The following CDIN1 variants were observed in gnomAD, a reference collection of about 807,000 sequenced individuals.
The protein encoded by CDIN1 is CDAN1-interacting nuclease 1.
A neutral mutation model predicts 45.3 loss-of-function variants in CDIN1; 33 were observed. The ratio of observed to expected loss-of-function variants is 0.73; its 90% CI spans 0.55 to 0.97. CDIN1 has a LOEUF of 0.97. Among genes scored for constraint, CDIN1 ranks in the 50% least tolerant of loss-of-function variants. The probability of loss-of-function intolerance (pLI) is 0.00; values close to 1 mark genes in which losing one functional copy is unlikely to be tolerated. For synonymous variants in CDIN1, 118 were observed against 124.4 expected (o/e 0.95, Z 0.34); for missense variants, 303 against 339.4 (o/e 0.89, Z 0.84).
At chr15:36,749,323 T>G (rs900182373) in intron 10 of CDIN1, among the ~76,000 whole-genome samples, 3 of 152,228 alleles carry the variant, frequency 2.0e-5, no homozygotes, top group African/African-American at 7.2e-5. Context: ...ACAAACCAGA[T>G]GACCTAAAGC....
intron 1 of CDIN1, among the ~76,000 whole-genome samples, chr15:36,588,417 T>G (rs6495850): frequency 0.87 from 131,803 of 152,156 alleles, 57,185 homozygotes; most frequent in Middle Eastern, 0.96. Flanking sequence ...TTCTGATAAT[T>G]TTGTGGTGGA....
intron 10 of CDIN1, among the ~76,000 whole-genome samples, chr15:36,716,080 T>G (rs16963919): frequency 0.16 from 23,670 of 152,090 alleles, 2,313 homozygotes; most frequent in Admixed American, 0.28. Flanking sequence ...TAGAATGACT[T>G]AAATCAAAGA....
chr15:36,594,831 A>T, intron 1 of CDIN1: 2 of 874,910 alleles, frequency 2.3e-6, no homozygotes, highest in Non-Finnish European at 1.4e-6. Flanking sequence ...TTTTTTTTTT[A>T]GCATTTCAAG....
chr15:36,721,566 A>G (rs1404110067), intron 10 of CDIN1, among the ~76,000 whole-genome samples: 2 of 152,152 alleles, frequency 1.3e-5, no homozygotes, highest in African/African-American at 2.4e-5. Flanking sequence ...ATTGAGATTT[A>G]TGTTATGGCT....
chr15:36,701,285 C>A (rs1490754593), intron 8 of CDIN1, among the ~76,000 whole-genome samples: 1 of 152,016 alleles, frequency 6.6e-6, no homozygotes, highest in Non-Finnish European at 1.5e-5. Flanking sequence ...TGTGATCATC[C>A]CATTACCTCT....
chr15:36,651,000 T>C (rs1422144791), intron 3 of CDIN1, among the ~76,000 whole-genome samples: 1 of 151,838 alleles, frequency 6.6e-6, no homozygotes, highest in African/African-American at 2.4e-5. Flanking sequence ...GAGGCGAAGG[T>C]TGCAGTGAGC....
intron 10 of CDIN1, among the ~76,000 whole-genome samples, chr15:36,763,483 G>C (rs8025692): frequency 0.68 from 102,965 of 151,944 alleles, 35,122 homozygotes; most frequent in East Asian, 0.93. Context: ...GAGTTCAGGG[G>C]CTCCCCAGAC....
At chr15:36,619,003 C>A in intron 1 of CDIN1, 6 of 1,501,106 alleles carry the variant, frequency 4.0e-6, no homozygotes, top group Non-Finnish European at 5.4e-6. Flanking sequence ...TCTTGTGTAG[C>A]CACTATGGGA....
At chr15:36,688,282 A>G (rs1026535151) in intron 5 of CDIN1, among the ~76,000 whole-genome samples, 7 of 152,148 alleles carry the variant, frequency 4.6e-5, no homozygotes, top group African/African-American at 1.7e-4. Flanking sequence ...ACAAATTAAT[A>G]TGAGACTATC....
Position 36,652,044 on chromosome 15 carries a change from T to C in CDIN1, c.213-2054T>C, listed in dbSNP as rs146037869. Among the ~76,000 whole-genome samples, 1,336 of 152,350 alleles carry C rather than the reference T, an allele frequency of 8.8e-3. 11 individuals carry two copies. The highest frequency in any genetic ancestry group is 0.015 in the Non-Finnish European group (1,040 of 68,022). On this transcript the variant is annotated intron_variant, in intron 3 of 10. Coordinates refer to ENST00000566621, the MANE Select transcript of CDIN1 (RefSeq NM_001321759.2). ...TGGCATCTAGCTGCTACTCTTTCAC[T>C]GTTTGCAGTCAGCTCTCACCATGGC...
intron 10 of CDIN1, among the ~76,000 whole-genome samples, chr15:36,730,736 G>T (rs537308488): frequency 6.6e-6 from 1 of 151,984 alleles, no homozygotes; most frequent in South Asian, 2.1e-4. Context: ...TTTCAGTTTT[G>T]ATTGTTTCAA....
At chr15:36,609,632 A>G (rs1279201906) in intron 1 of CDIN1, among the ~76,000 whole-genome samples, 1 of 152,192 alleles carries the variant, frequency 6.6e-6, no homozygotes, top group Non-Finnish European at 1.5e-5. Flanking sequence ...TATGAAATGT[A>G]TTTCTTTAGC....
intron 4 of CDIN1, among the ~76,000 whole-genome samples, chr15:36,657,471 T>C (rs1335313078): frequency 1.3e-5 from 2 of 152,094 alleles, no homozygotes; most frequent in Non-Finnish European, 2.9e-5. Context: ...ATATAGACAG[T>C]TGCATAGAAA....
chr15:36,622,686 C>T (rs1446530764), intron 1 of CDIN1, among the ~76,000 whole-genome samples: 1 of 152,146 alleles, frequency 6.6e-6, no homozygotes, highest in African/African-American at 2.4e-5. Flanking sequence ...AGTATTTGGC[C>T]AGTGCTACTC....
intron 5 of CDIN1, among the ~76,000 whole-genome samples, chr15:36,688,385 C>T (rs1361598480): frequency 6.6e-6 from 1 of 152,156 alleles, no homozygotes; most frequent in Non-Finnish European, 1.5e-5. Context: ...AAAAATACTT[C>T]ACAACAAAAA....
At chr15:36,737,513 G>T (rs1373411090) in intron 10 of CDIN1, among the ~76,000 whole-genome samples, 1 of 152,120 alleles carries the variant, frequency 6.6e-6, no homozygotes, top group Non-Finnish European at 1.5e-5. Flanking sequence ...AGAATTATGA[G>T]GCTTTTGTGG....
chr15:36,651,375 T>C (rs1270023686), intron 3 of CDIN1, among the ~76,000 whole-genome samples: 3 of 152,180 alleles, frequency 2.0e-5, no homozygotes, highest in Non-Finnish European at 4.4e-5. Flanking sequence ...ATGATGAGGA[T>C]GCAGAGAAAG....
intron 5 of CDIN1, among the ~76,000 whole-genome samples, chr15:36,688,905 T>TA (rs1378562942): frequency 1.1e-4 from 17 of 152,206 alleles, no homozygotes; most frequent in Non-Finnish European, 2.1e-4. Context: ...GTTTGGCAGA[T>TA]ACATCCTGGG....
At chr15:36,776,966 C>T (rs754490317) in intron 10 of CDIN1, among the ~76,000 whole-genome samples, 1 of 152,154 alleles carries the variant, frequency 6.6e-6, no homozygotes, top group Non-Finnish European at 1.5e-5. Context: ...AAAACTGCTG[C>T]ATGAAGCGCT....
Sources: gnomAD v4.1 joint callset for allele counts (sites outside exome capture counted in the v4.1 genomes callset) on GRCh38, gnomAD v4.1.1 for gene constraint, MANE v1.5 for transcripts, NCBI Gene and HGNC (gene_info 2026-07-23, HGNC 2026-07-21) for gene names.